The following HPS4 variants were observed in gnomAD, a reference collection of about 807,000 sequenced individuals.
HPS4 encodes the protein HPS4 biogenesis of lysosomal organelles complex 3 subunit 2.
In HPS4, 44 loss-of-function variants were observed where a neutral mutation model predicts 70.3. The ratio of observed to expected loss-of-function variants is 0.63; its 90% CI spans 0.49 to 0.80. HPS4 has a LOEUF of 0.80. Ranked by LOEUF, HPS4 falls within the 30% of genes least tolerant of loss-of-function variation. HPS4 has a pLI of 0.00. For missense variants in HPS4, 873 were observed against 884.4 expected (o/e 0.99, Z 0.16); for synonymous variants, 377 against 355.9 (o/e 1.06, Z -0.67).
chr22:26,464,461 A>T lies in HPS4; in HGVS notation c.1169T>A (p.Leu390Gln). ...CCTGCCATCTGGAACAGGCACATGT[A>T]GGAAGGCAAAATGACCTGAGGCCAT... ...VEMASGHFAF[L>Q]HVPVPDGRAP... The change falls in exon 11 of 14, where the codon CTA (leucine) becomes CAA (glutamine). Residue 390 changes from leucine to glutamine, a missense_variant. Physicochemically the swap from Leu to Gln is moderately radical, Grantham distance 113 (BLOSUM62 -2). Transcript: ENST00000398145. The T allele has an allele frequency of 6.2e-7, 1 of 1,614,210 alleles. No individual in the cohort carries two copies. Among genetic ancestry groups the T allele is most frequent in the African/African-American group, 1.3e-5 (1 of 75,052 alleles).
At chr22:26,483,792 T>C, upstream of HPS4, 1 of 962,942 alleles carries the variant, frequency 1.0e-6, no homozygotes, top group Non-Finnish European at 1.4e-6. Context: ...AGGCCTTAGG[T>C]CACGCGCCGC....
downstream of HPS4, among the ~76,000 whole-genome samples, chr22:26,447,805 C>T (rs981801632): frequency 3.9e-5 from 6 of 152,010 alleles, no homozygotes; most frequent in Non-Finnish European, 7.4e-5. Flanking sequence ...GTTTACTTTC[C>T]GCCTCTTTCC....
chr22:26,447,947 C>T (rs997064469), downstream of HPS4, among the ~76,000 whole-genome samples: 1 of 152,198 alleles, frequency 6.6e-6, no homozygotes, highest in Admixed American at 6.5e-5. Flanking sequence ...ACTGTGCACC[C>T]TACGAGGTTC....
In HPS4 at chr22:26,468,614, G is replaced by A. The variant is rs2089183797; in HGVS notation, c.606C>T (p.Ser202=). Residue 202 remains serine, a synonymous_variant, in exon 8 of 14, where the codon AGC becomes AGT. Transcript: ENST00000398145. ...CGGTGAGGGAGGGCGGGAGTTGGGT[G>A]CTGACAATCCTAGGAGGTCACACAC... ...GCILYKGLIV[S]TQLPPSLTAK... is the part of the protein sequence containing the mutation. 1 of 1,613,732 alleles carries A rather than the reference G, an allele frequency of 6.2e-7. No individual in the cohort carries two copies. Among genetic ancestry groups the A allele is most frequent in the Non-Finnish European group, 8.5e-7 (1 of 1,179,838 alleles).
At chr22:26,453,459 CCA>C (rs1205709672) in intron 13 of HPS4, 55 bp from the exon 14 acceptor site, 1 of 1,585,962 alleles carries the variant, frequency 6.3e-7, no homozygotes, top group Admixed American at 1.7e-5. Flanking sequence ...TAATCTCAGA[CCA>C]CACAGAGACC....
In HPS4 at chr22:26,464,267, TG is replaced by T. The variant is rs1373798392; in HGVS notation, c.1362del (p.Ile455PhefsTer20). ...CTGGGGAGAGGGTCTGCTCTGGGAA[TG>T]GGGGCTTGGCTGCTATGGCCAGGAT... is the stretch of plus-strand genomic sequence containing the variant. ...EDHPGHSSQA[P>X]IPRADPLPRR... On this transcript the variant is annotated frameshift_variant, in exon 11 of 14. Transcript: ENST00000398145. LOFTEE classifies it high-confidence loss of function. The T allele has an allele frequency of 6.2e-7, 1 of 1,614,076 alleles. No individual in the cohort carries two copies. The highest frequency in any genetic ancestry group is 8.5e-7 in the Non-Finnish European group (1 of 1,180,006).
rs1469797978 is a variant in HPS4 at position 26,464,668 on chromosome 22, C to T, written c.962G>A (p.Gly321Asp). 6.2e-7 allele frequency: 1 copy of T among 1,611,612 alleles called. No individual in the cohort carries two copies. Among genetic ancestry groups the T allele is most frequent in the Non-Finnish European group, 8.5e-7 (1 of 1,177,990 alleles). The change falls in exon 11 of 14, where the codon GGC becomes GAC. Residue 321 changes from glycine to aspartate, a missense_variant. Gly to Asp is a moderately conservative substitution (Grantham distance 94, BLOSUM62 -1). Coordinates refer to ENST00000398145, the MANE Select transcript of HPS4 (RefSeq NM_022081.6). ...AGACAAGCATCCGTTCTCCTTCCTG[C>T]CATCTGGACAAGCTTCGTCAGGGGA... ...PTSPDEACPD[G>D]RKENGCLSGH... is the part of the protein sequence containing the mutation.
downstream of HPS4, among the ~76,000 whole-genome samples, chr22:26,446,383 G>A (rs1033162137): frequency 9.2e-5 from 14 of 152,276 alleles, no homozygotes; most frequent in Non-Finnish European, 1.8e-4. Flanking sequence ...TGAGTGCTCC[G>A]TAGCATACTG....
Position 26,471,000 on chromosome 22 carries a change from G to A in HPS4, c.502-187C>T, listed in dbSNP as rs1413720087. On this transcript the variant is annotated intron_variant, in intron 6 of 13. Transcript: ENST00000398145. ...ATTCTACCTCTCTATACTCAGAACT[G>A]CTGACACCACTAAATGCCAAATTCT... 11 of 1,261,170 alleles carry A rather than the reference G, an allele frequency of 8.7e-6. No individual in the cohort carries two copies. The Admixed American group carries it at 1.2e-4, about 14-fold the overall frequency. The allele number at this position is 1,261,170 out of a possible 1,614,324, so 78.1% of individuals were successfully genotyped here.
chr22:26,462,791 T>C (rs1174757218), intron 11 of HPS4, among the ~76,000 whole-genome samples: 3 of 152,034 alleles, frequency 2.0e-5, no homozygotes, highest in East Asian at 1.9e-4. Flanking sequence ...AAGAAGGAGA[T>C]GGATAGTCAC....
chr22:26,472,946 A>G lies in HPS4; in HGVS notation c.277-7T>C. ...CCACAGCACAGCCCAGCACCTGTAA[A>G]GAGAGAAACCAGGAAGACAAGCATC... On this transcript the variant is annotated splice_polypyrimidine_tract_variant and splice_region_variant and intron_variant, in intron 4 of 13. Transcript: ENST00000398145. 1.9e-6 allele frequency: 3 copies of G among 1,613,464 alleles called. No individual in the cohort carries two copies. The highest frequency in any genetic ancestry group is 2.2e-5 in the South Asian group (2 of 91,076).
exon 4 of HPS4, chr22:26,444,476 G>A (rs1194519942): frequency 6.6e-6 from 1 of 152,218 alleles, no homozygotes; most frequent in Non-Finnish European, 1.5e-5. Flanking sequence ...AAAGGTCCCA[G>A]GAGACCAGTT....
At chr22:26,474,996 A>G (rs540177184) in intron 4 of HPS4, among the ~76,000 whole-genome samples, 1 of 152,346 alleles carries the variant, frequency 6.6e-6, no homozygotes, top group South Asian at 2.1e-4. Context: ...AAATGGTACA[A>G]CCACTGAAGG....
At chr22:26,483,652 G>A (rs1036931472) in intron 1 of HPS4, 22 bp downstream of exon 1, 15 of 359,360 alleles carry the variant, frequency 4.2e-5, no homozygotes, top group African/African-American at 2.8e-4. Flanking sequence ...GTATCCCCGC[G>A]CTCCGAGCGC....
intron 11 of HPS4, among the ~76,000 whole-genome samples, chr22:26,460,374 T>C (rs1209041742): frequency 2.0e-5 from 3 of 152,186 alleles, no homozygotes; most frequent in Admixed American, 6.5e-5. Context: ...TTTGAACAGA[T>C]GTGTGTGTGT....
chr22:26,462,540 G>A (rs992096062), intron 11 of HPS4, among the ~76,000 whole-genome samples: 2 of 152,214 alleles, frequency 1.3e-5, no homozygotes, highest in African/African-American at 4.8e-5. Flanking sequence ...CGAGAGATGC[G>A]AAGTATTTCA....
intron 6 of HPS4, 180 bp from the exon 7 acceptor site, chr22:26,470,993 C>G: frequency 7.5e-7 from 1 of 1,340,650 alleles, no homozygotes; most frequent in Non-Finnish European, 1.0e-6. Context: ...TCTCTATACT[C>G]AGAACTGCTG....
chr22:26,477,885 G>C (rs1382804161), intron 3 of HPS4, among the ~76,000 whole-genome samples: 1 of 152,138 alleles, frequency 6.6e-6, no homozygotes, highest in Non-Finnish European at 1.5e-5. Context: ...CATAGAGGAG[G>C]GGGAAAAAGA....
intron 4 of HPS4, among the ~76,000 whole-genome samples, 173 bp from the exon 5 acceptor site, chr22:26,473,112 G>GT (rs1254245305): frequency 6.6e-6 from 1 of 152,180 alleles, no homozygotes; most frequent in Non-Finnish European, 1.5e-5. Context: ...CCATGGACAA[G>GT]TAAGTTCTGT....
Sources: gnomAD v4.1 joint callset for allele counts (sites outside exome capture counted in the v4.1 genomes callset) on GRCh38, gnomAD v4.1.1 for gene constraint, MANE v1.5 for transcripts, NCBI Gene and HGNC (gene_info 2026-07-23, HGNC 2026-07-21) for gene names.